Variants in ARHGAP20 observed in about 807,000 individuals in gnomAD.
ARHGAP20 encodes the protein Rho GTPase activating protein 20.
In ARHGAP20, 34 loss-of-function variants were observed where a neutral mutation model predicts 73.7. That is an observed-to-expected ratio of 0.46 (90% confidence interval 0.35 to 0.61). The LOEUF (loss-of-function observed/expected upper bound fraction) is 0.61. Ranked by LOEUF, ARHGAP20 falls within the 20% of genes least tolerant of loss-of-function variation. The probability of loss-of-function intolerance (pLI) is 0.00; values close to 1 mark genes in which losing one functional copy is unlikely to be tolerated. For missense variants in ARHGAP20, 1,314 were observed against 1,420.9 expected (o/e 0.92, Z 1.21); for synonymous variants, 523 against 518.2 (o/e 1.01, Z -0.13).
chr11:110,595,988 C>T (rs1006285013), intron 9 of ARHGAP20, among the ~76,000 whole-genome samples: 17 of 151,828 alleles, frequency 1.1e-4, no homozygotes, highest in African/African-American at 3.9e-4. Flanking sequence ...GAAATAATGC[C>T]ACATGTCTAC....
At chr11:110,633,786 T>A (rs1378512134) in intron 2 of ARHGAP20, among the ~76,000 whole-genome samples, 1 of 152,168 alleles carries the variant, frequency 6.6e-6, no homozygotes, top group Non-Finnish European at 1.5e-5. Context: ...GAAGAAGAGA[T>A]GACCTCAGTT....
chr11:110,595,253 T>C (rs546964579), intron 9 of ARHGAP20, among the ~76,000 whole-genome samples: 102 of 152,248 alleles, frequency 6.7e-4, no homozygotes, highest in African/African-American at 2.4e-3. Flanking sequence ...ATGCCCTCTC[T>C]CACCACTCCT....
intron 2 of ARHGAP20, among the ~76,000 whole-genome samples, chr11:110,673,065 T>C (rs1949861094): frequency 6.6e-6 from 1 of 152,118 alleles, no homozygotes; most frequent in Non-Finnish European, 1.5e-5. Flanking sequence ...ACATACAACA[T>C]AGATGAATCT....
At chr11:110,692,987 C>T (rs1950272197) in intron 1 of ARHGAP20, among the ~76,000 whole-genome samples, 1 of 151,896 alleles carries the variant, frequency 6.6e-6, no homozygotes, top group Non-Finnish European at 1.5e-5. Context: ...AGTTAAGAAA[C>T]TTTCTGATGT....
chr11:110,654,082 A>T (rs1055072460), intron 2 of ARHGAP20, among the ~76,000 whole-genome samples: 5 of 152,128 alleles, frequency 3.3e-5, no homozygotes, highest in African/African-American at 1.2e-4. Flanking sequence ...ATCAGGAAAA[A>T]TAGCTGATGC....
At chr11:110,603,340 CTAA>C (rs1948151646) in intron 9 of ARHGAP20, among the ~76,000 whole-genome samples, 2 of 152,162 alleles carry the variant, frequency 1.3e-5, no homozygotes, top group African/African-American at 4.8e-5. Context: ...TTAATGGACA[CTAA>C]ATGGCTTTGA....
intron 2 of ARHGAP20, among the ~76,000 whole-genome samples, chr11:110,633,052 TCC>T (rs1182758413): frequency 1.3e-5 from 2 of 152,196 alleles, no homozygotes; most frequent in African/African-American, 4.8e-5. Flanking sequence ...CTTCCACCTA[TCC>T]CCTACTCATC....
chr11:110,660,947 T>C (rs917542990), intron 2 of ARHGAP20, among the ~76,000 whole-genome samples: 1 of 152,188 alleles, frequency 6.6e-6, no homozygotes, highest in Non-Finnish European at 1.5e-5. Context: ...TCGTCATTCA[T>C]AAAATAAAAT....
chr11:110,643,828 A>T (rs990162454), intron 2 of ARHGAP20, among the ~76,000 whole-genome samples: 2 of 152,050 alleles, frequency 1.3e-5, no homozygotes, highest in African/African-American at 4.8e-5. Context: ...TGCCTCAATG[A>T]TCTAACACTG....
intron 2 of ARHGAP20, among the ~76,000 whole-genome samples, chr11:110,632,458 G>A (rs1948879485): frequency 6.6e-6 from 1 of 152,070 alleles, no homozygotes; most frequent in Non-Finnish European, 1.5e-5. Context: ...AGGCCGAAGT[G>A]CAGTGGCATG....
intron 2 of ARHGAP20, among the ~76,000 whole-genome samples, chr11:110,681,698 G>A (rs1950039923): frequency 6.6e-6 from 1 of 152,148 alleles, no homozygotes; most frequent in South Asian, 2.1e-4. Context: ...AACACAATGG[G>A]GGATAGTCAG....
At chr11:110,628,558 G>C (rs1448719863) in intron 3 of ARHGAP20, among the ~76,000 whole-genome samples, 1 of 152,038 alleles carries the variant, frequency 6.6e-6, no homozygotes, top group Non-Finnish European at 1.5e-5. Context: ...AAATATCTAT[G>C]TTCTATCTCA....
At chr11:110,653,913 C>T (rs1337712736) in intron 2 of ARHGAP20, among the ~76,000 whole-genome samples, 2 of 152,102 alleles carry the variant, frequency 1.3e-5, no homozygotes, top group Non-Finnish European at 2.9e-5. Flanking sequence ...ATGTCCTTTG[C>T]ATGGACATGG....
At chr11:110,592,372 T>C (rs1177338759) in intron 9 of ARHGAP20, among the ~76,000 whole-genome samples, 1 of 152,212 alleles carries the variant, frequency 6.6e-6, no homozygotes, top group Admixed American at 6.5e-5. Flanking sequence ...AATGTTTGGG[T>C]TCTTCTCCCA....
chr11:110,601,764 G>A (rs894859318), intron 9 of ARHGAP20, among the ~76,000 whole-genome samples: 1 of 151,982 alleles, frequency 6.6e-6, no homozygotes, highest in African/African-American at 2.4e-5. Flanking sequence ...CGGGTGGATC[G>A]CCTGAGGTCA....
In ARHGAP20 at chr11:110,577,326, T is replaced by C. The variant is rs1947311551; in HGVS notation, c.*2044A>G. ...CTTCAAATCATACAATATAATACTT[T>C]ACAGCAATATTAACAAACTATTCAC... On this transcript the variant is annotated 3_prime_UTR_variant, in exon 15 of 15. Transcript: ENST00000683387. 14 of 1,265,592 alleles carry C rather than the reference T, an allele frequency of 1.1e-5. No homozygotes were observed. The South Asian group carries it at 2.6e-4, about 24-fold the overall frequency. The allele number at this position is 1,265,592 out of a possible 1,614,324, so 78.4% of individuals were successfully genotyped here. A position where few individuals can be genotyped will look rare whatever the true frequency, so the allele number is the denominator to read the frequency against.
chr11:110,586,478 G>T (rs1565423094), intron 11 of ARHGAP20, among the ~76,000 whole-genome samples, 153 bp from the exon 12 acceptor site: 1 of 151,758 alleles, frequency 6.6e-6, no homozygotes, highest in Non-Finnish European at 1.5e-5. Context: ...TTGACTTGGG[G>T]ACACAGAAAC....
Position 110,630,779 on chromosome 11 carries a change from CAGA to C in ARHGAP20, c.199_201del (p.Ser67del). ...AGAAATGTGCATGTGTCAACACTAGCAGAAGGACTGTCCCTGTAACAGATCAAA... is the reference window on the plus strand; with the variant it reads ...AGAAATGTGCATGTGTCAACACTAGCAGGACTGTCCCTGTAACAGATCAAA... On this transcript the variant is annotated inframe_deletion, in exon 3 of 15. Transcript: ENST00000683387. 6.2e-7 allele frequency: 1 copy of C among 1,613,870 alleles called. No homozygotes were observed. Among genetic ancestry groups the C allele is most frequent in the South Asian group, 1.1e-5 (1 of 91,026 alleles).
chr11:110,712,091 C>G (rs7112658), intron 1 of ARHGAP20, 36 bp downstream of exon 1: 13 of 1,266,676 alleles, frequency 1.0e-5, no homozygotes, highest in South Asian at 3.3e-5. Flanking sequence ...GGGGCTGCGG[C>G]GGCGGAGGGC....
Sources: allele counts gnomAD v4.1 joint callset (sites outside exome capture counted in the v4.1 genomes callset), GRCh38; gene constraint gnomAD v4.1.1; transcripts MANE v1.5; gene names NCBI Gene and HGNC (gene_info 2026-07-23, HGNC 2026-07-21).